Variants in ITSN1 observed in about 807,000 individuals in gnomAD.
ITSN1 encodes intersectin 1.
ITSN1 carries 58 observed loss-of-function variants against 239.8 expected under a neutral mutation model. The ratio of observed to expected loss-of-function variants is 0.24; its 90% CI spans 0.20 to 0.30. The LOEUF (loss-of-function observed/expected upper bound fraction) is 0.30, where lower values mean the gene tolerates loss of function less well. Among genes scored for constraint, ITSN1 ranks in the 10% least tolerant of loss-of-function variants. The pLI, the probability that ITSN1 is intolerant of heterozygous loss-of-function variation, is 1.00. For synonymous variants in ITSN1, 780 were observed against 770.8 expected (o/e 1.01, Z -0.20); for missense variants, 1,558 against 2,103.3 (o/e 0.74, Z 5.07).
At chr21:33,681,480 C>CA (rs1213042020) in intron 1 of ITSN1, among the ~76,000 whole-genome samples, 1 of 151,854 alleles carries the variant, frequency 6.6e-6, no homozygotes, top group Non-Finnish European at 1.5e-5. Context: ...AACCAGGAGG[C>CA]AGAGGTTGCA....
chr21:33,718,530 A>G (rs1016867966), intron 1 of ITSN1, among the ~76,000 whole-genome samples: 2 of 152,248 alleles, frequency 1.3e-5, no homozygotes, highest in Non-Finnish European at 2.9e-5. Context: ...GGTTATATGC[A>G]AATACTGTGC....
Position 33,882,881 on chromosome 21 carries a change from T to C in ITSN1, c.4554+426T>C, listed in dbSNP as rs1985160127. On this transcript the variant is annotated intron_variant, in intron 35 of 39. Transcript: ENST00000381318. The surrounding 1 kb of genome is among the most constrained non-coding windows in gnomAD (Gnocchi z 4.5). ...TGAAACATCCGAGCCCCCTCCTTTC[T>C]AGCAAAGTCTCTCTAAACAGTTGAT... Among the ~76,000 whole-genome samples the C allele has an allele frequency of 6.6e-6, 1 of 152,228 alleles. No individual in the cohort carries two copies. Among genetic ancestry groups the C allele is most frequent in the Admixed American group, 6.5e-5 (1 of 15,286 alleles).
intron 5 of ITSN1, among the ~76,000 whole-genome samples, chr21:33,746,501 AAG>A (rs564944374): frequency 7.9e-4 from 120 of 152,334 alleles, no homozygotes; most frequent in African/African-American, 2.8e-3. Context: ...AATTACAAAA[AAG>A]AGGAAAATTG....
chr21:33,837,169 G>A, intron 29 of ITSN1: 1 of 1,351,542 alleles, frequency 7.4e-7, no homozygotes, highest in Non-Finnish European at 9.5e-7. Context: ...TTTTACCTTA[G>A]TTGCATGTGA....
intron 1 of ITSN1, among the ~76,000 whole-genome samples, chr21:33,709,064 C>G (rs943224382): frequency 6.6e-6 from 1 of 152,136 alleles, no homozygotes; most frequent in Non-Finnish European, 1.5e-5. Flanking sequence ...TATAGTAAAT[C>G]TTGAAATCAG....
intron 14 of ITSN1, among the ~76,000 whole-genome samples, chr21:33,776,839 A>G (rs942797150): frequency 1.3e-5 from 2 of 151,998 alleles, no homozygotes; most frequent in Admixed American, 6.6e-5. Context: ...TGTTTTGCAA[A>G]TATTTTCTCC....
intron 5 of ITSN1, among the ~76,000 whole-genome samples, chr21:33,744,926 G>A (rs111614181): frequency 4.6e-5 from 7 of 152,264 alleles, no homozygotes; most frequent in African/African-American, 1.7e-4. Context: ...AAAGAATCAG[G>A]CATTTATTAT....
In ITSN1 at chr21:33,725,728, T is replaced by A. The variant is rs115980521; in HGVS notation, c.185+3077T>A. 5.0e-3 allele frequency among the ~76,000 whole-genome samples: 755 copies of A among 152,334 alleles called. 11 individuals are homozygous for A. The highest frequency in any genetic ancestry group is 0.017 in the African/African-American group (709 of 41,566). On this transcript the variant is annotated intron_variant, in intron 4 of 39. Transcript: ENST00000381318. ...ATCTTAGATTGAATGAATCTTTAATTTTTTTCTTACGTTTTGCTAAATAAA... is the reference window on the plus strand; with the variant it reads ...ATCTTAGATTGAATGAATCTTTAATATTTTTCTTACGTTTTGCTAAATAAA...
At chr21:33,759,393 G>A (rs1247484971) in intron 8 of ITSN1, among the ~76,000 whole-genome samples, 1 of 152,202 alleles carries the variant, frequency 6.6e-6, no homozygotes, top group Non-Finnish European at 1.5e-5. Flanking sequence ...CAAGTCCCCT[G>A]ATATCCAGGT....
intron 1 of ITSN1, among the ~76,000 whole-genome samples, chr21:33,652,722 A>G (rs1330631101): frequency 6.6e-6 from 1 of 152,024 alleles, no homozygotes; most frequent in East Asian, 1.9e-4. Flanking sequence ...AACTTGCATT[A>G]TTTTCTGTAT....
chr21:33,873,125 G>C (rs914670813), intron 33 of ITSN1, among the ~76,000 whole-genome samples: 2 of 152,170 alleles, frequency 1.3e-5, no homozygotes, highest in Non-Finnish European at 2.9e-5. Context: ...GGATTCTAAC[G>C]TACAGTCAGG....
intron 4 of ITSN1, among the ~76,000 whole-genome samples, chr21:33,725,795 T>C (rs1030403818): frequency 1.3e-5 from 2 of 152,230 alleles, no homozygotes; most frequent in Admixed American, 1.3e-4. Context: ...TCTGTAACTC[T>C]CTTTTCCCAA....
chr21:33,722,987 G>T (rs2065590215), intron 4 of ITSN1, among the ~76,000 whole-genome samples: 1 of 152,086 alleles, frequency 6.6e-6, no homozygotes, highest in Non-Finnish European at 1.5e-5. Flanking sequence ...CACATTTCTT[G>T]CTTTATAATG....
intron 11 of ITSN1, among the ~76,000 whole-genome samples, chr21:33,770,764 ATT>A (rs199737103): frequency 2.0e-4 from 27 of 133,552 alleles, no homozygotes; most frequent in Admixed American, 2.3e-4. Context: ...GGGACTTTGA[ATT>A]TTTTTTTTTT....
chr21:33,683,953 C>T (rs1413056453), intron 1 of ITSN1, among the ~76,000 whole-genome samples: 2 of 152,022 alleles, frequency 1.3e-5, no homozygotes, highest in African/African-American at 4.8e-5. Flanking sequence ...AGCCGATGCC[C>T]CTAAGTAAAG....
At chr21:33,686,145 T>C (rs559723867) in intron 1 of ITSN1, among the ~76,000 whole-genome samples, 4 of 152,332 alleles carry the variant, frequency 2.6e-5, no homozygotes, top group African/African-American at 9.6e-5. Flanking sequence ...ATGGGAAATA[T>C]GTGTCTACTT....
intron 4 of ITSN1, among the ~76,000 whole-genome samples, chr21:33,730,271 C>A (rs1215865413): frequency 1.3e-5 from 2 of 150,634 alleles, no homozygotes; most frequent in Non-Finnish European, 2.9e-5. Flanking sequence ...TGTTATCCTT[C>A]ATTTATTTTT....
chr21:33,889,830 T>C lies in ITSN1; in HGVS notation c.*1530T>C. 6.6e-6 allele frequency: 1 copy of C among 152,234 alleles called. No homozygotes were observed. The allele number at this position is 152,234 out of a possible 1,614,324, so 9.4% of individuals were successfully genotyped here. A position where few individuals can be genotyped will look rare whatever the true frequency, so the allele number is the denominator to read the frequency against. On this transcript the variant is annotated 3_prime_UTR_variant, in exon 40 of 40. Coordinates refer to ENST00000381318, the MANE Select transcript of ITSN1 (RefSeq NM_003024.3). ...GCTGGGAACTGAATGTGTAGTGTTA[T>C]CATTTCCCATGAGAGCCCGGTCATA... is the stretch of plus-strand genomic sequence containing the variant.
intron 14 of ITSN1, among the ~76,000 whole-genome samples, chr21:33,779,216 T>C (rs1210362587): frequency 6.6e-6 from 1 of 152,082 alleles, no homozygotes; most frequent in South Asian, 2.1e-4. Context: ...CATTTACTTA[T>C]TTGGGGTTTA....
Sources: gnomAD v4.1 joint callset for allele counts (sites outside exome capture counted in the v4.1 genomes callset) on GRCh38, gnomAD v4.1.1 for gene constraint, Gnocchi (gnomAD v3.1) non-coding constraint, MANE v1.5 for transcripts, NCBI Gene and HGNC (gene_info 2026-07-23, HGNC 2026-07-21) for gene names.